The following TNNI3K variants were observed in gnomAD, a reference collection of about 807,000 sequenced individuals.
TNNI3K encodes serine/threonine-protein kinase TNNI3K.
TNNI3K carries 140 observed loss-of-function variants against 114.5 expected under a neutral mutation model. The ratio of observed to expected loss-of-function variants is 1.22; its 90% CI spans 1.07 to 1.41. The LOEUF (loss-of-function observed/expected upper bound fraction) is 1.41. Ranked by LOEUF, TNNI3K falls within the 40% of genes most tolerant of loss-of-function variation. The pLI is 0.00. For missense variants in TNNI3K, 1,125 were observed against 1,007.6 expected (o/e 1.12, Z -1.58); for synonymous variants, 347 against 347.5 (o/e 1.00, Z 0.02).
rs989093095 is a variant in TNNI3K at position 74,536,508 on chromosome 1, C to T, written c.2352-3726C>T. On this transcript the variant is annotated intron_variant, in intron 23 of 24. Coordinates refer to ENST00000326637, the MANE Select transcript of TNNI3K (RefSeq NM_015978.3). ...ATATCCTAATGCACCTTTATAAAAA[C>T]GGTGACTGATGATCATTTTTATATT... is the stretch of plus-strand genomic sequence containing the variant. 8.5e-5 allele frequency among the ~76,000 whole-genome samples: 13 copies of T among 152,174 alleles called. No homozygotes were observed. The East Asian group carries it at 1.2e-3, about 14-fold the overall frequency.
intron 17 of TNNI3K, among the ~76,000 whole-genome samples, chr1:74,384,855 G>A (rs1663392161): frequency 1.3e-5 from 2 of 152,072 alleles, no homozygotes; most frequent in Non-Finnish European, 1.5e-5. Flanking sequence ...ATTATTGGTT[G>A]CCTTAATGGA....
intron 5 of TNNI3K, among the ~76,000 whole-genome samples, chr1:74,277,707 CTGTT>C (rs548952654): frequency 1.3e-5 from 2 of 152,308 alleles, no homozygotes; most frequent in Non-Finnish European, 2.9e-5. Flanking sequence ...CCGTTGACAA[CTGTT>C]TGAGCAGTGA....
chr1:74,470,976 A>G (rs1447798748), intron 21 of TNNI3K: 1 of 400,610 alleles, frequency 2.5e-6, no homozygotes, highest in Non-Finnish European at 4.4e-6. Context: ...CACTTCCTGT[A>G]TTTTCCCAAG....
Position 74,354,200 on chromosome 1 carries a change from A to G in TNNI3K, c.1177+71A>G, listed in dbSNP as rs1348961373. 6.3e-6 allele frequency: 10 copies of G among 1,583,230 alleles called. No homozygotes were observed. In the African/African-American group the frequency reaches 8.1e-5, roughly 13 times the overall value. On this transcript the variant is annotated intron_variant, in intron 11 of 24. Coordinates refer to ENST00000326637, the MANE Select transcript of TNNI3K (RefSeq NM_015978.3). ...GTGCATAGATTATGTCAGTGCATCA[A>G]TAATTACTTTGCTTGCATGACTTGA...
intron 5 of TNNI3K, among the ~76,000 whole-genome samples, chr1:74,327,488 T>A (rs1659971766): frequency 6.8e-6 from 1 of 147,286 alleles, no homozygotes; most frequent in Non-Finnish European, 1.5e-5. Context: ...CTTATATATG[T>A]ATTTCAGTAG....
chr1:74,414,317 A>G (rs2100618878), intron 17 of TNNI3K, among the ~76,000 whole-genome samples: 1 of 152,334 alleles, frequency 6.6e-6, no homozygotes, highest in East Asian at 1.9e-4. Context: ...AGAATAAAAT[A>G]TGCATGGAGT....
chr1:74,503,262 A>T (rs1009885698), intron 23 of TNNI3K, among the ~76,000 whole-genome samples: 1 of 152,222 alleles, frequency 6.6e-6, no homozygotes, highest in African/African-American at 2.4e-5. Context: ...GGGAATCAGC[A>T]TCTTTTAGCT....
At chr1:74,238,829 T>A (rs11210443) in intron 2 of TNNI3K, among the ~76,000 whole-genome samples, 1 of 151,656 alleles carries the variant, frequency 6.6e-6, no homozygotes, top group Non-Finnish European at 1.5e-5. Context: ...TAGAATGATG[T>A]TTCTGCAAGA....
At chr1:74,396,517 G>A (rs1261528025) in intron 17 of TNNI3K, among the ~76,000 whole-genome samples, 1 of 152,206 alleles carries the variant, frequency 6.6e-6, no homozygotes, top group Non-Finnish European at 1.5e-5. Flanking sequence ...CTTGGGCTGA[G>A]ATAATGTCAA....
chr1:74,478,798 C>T lies in TNNI3K; in HGVS notation c.2122-10391C>T, dbSNP rs185234750. ...GATATCTATTAATTATCCACCAGTG[C>T]TAGTATTCTAAGAAGCACATTTAAG... is the stretch of plus-strand genomic sequence containing the variant. On this transcript the variant is annotated intron_variant, in intron 21 of 24. Transcript: ENST00000326637. 2.5e-4 allele frequency among the ~76,000 whole-genome samples: 38 copies of T among 152,320 alleles called. 1 individual carries two copies. Among genetic ancestry groups the T allele is most frequent in the Non-Finnish European group, 4.0e-4 (27 of 68,024 alleles).
Position 74,519,128 on chromosome 1 carries a change from C to T in TNNI3K, c.2352-21106C>T, listed in dbSNP as rs1475053036. Among the ~76,000 whole-genome samples, 41 of 92,342 alleles carry T rather than the reference C, an allele frequency of 4.4e-4. 4 individuals are homozygous for T. The East Asian group carries it at 8.6e-3, about 19-fold the overall frequency. 60.6% of individuals were successfully genotyped at this position (92,342 alleles called of 152,430 possible). On this transcript the variant is annotated intron_variant, in intron 23 of 24. Coordinates refer to ENST00000326637, the MANE Select transcript of TNNI3K (RefSeq NM_015978.3). ...ATTCCCACCTATGAGTGAGAATATG[C>T]GGTGTTTGGTTTTTTGTTCTTGTGA...
rs144507273 is a variant in TNNI3K, at chr1:74,492,173, G to A, written c.2258G>A (p.Gly753Glu). The A allele has an allele frequency of 1.4e-5, 22 of 1,613,218 alleles. No homozygotes were observed. The African/African-American group carries it at 2.8e-4, about 21-fold the overall frequency. ...TCTTCTGATTGCCTGGTGAACCGGG[G>A]AGGACCTGGCCGGAGTCATGTGGCA... The part of the protein sequence containing the change: ...SSSSDCLVNR[G>E]GPGRSHVAAL... The change falls in exon 23 of 25, where the codon GGA becomes GAA. Residue 753 changes from glycine (G) to glutamate (E), a missense_variant. Gly to Glu is a moderately conservative substitution (Grantham distance 98). Transcript: ENST00000326637.
chr1:74,460,145 G>T (rs1375683780), intron 20 of TNNI3K, among the ~76,000 whole-genome samples: 1 of 151,136 alleles, frequency 6.6e-6, no homozygotes, highest in Admixed American at 6.6e-5. Flanking sequence ...GCACGATCTC[G>T]ACTCACTGCA....
At chr1:74,480,585 T>G (rs1346475688) in intron 21 of TNNI3K, 2 of 717,284 alleles carry the variant, frequency 2.8e-6, no homozygotes, top group Non-Finnish European at 5.2e-6. Context: ...TACCTGAGAC[T>G]GTGGAGATTC....
chr1:74,348,243 A>C (rs1252115677), intron 9 of TNNI3K, among the ~76,000 whole-genome samples: 2 of 152,196 alleles, frequency 1.3e-5, no homozygotes, highest in Non-Finnish European at 2.9e-5. Context: ...AGCACCATTT[A>C]TTAAATAGGG....
intron 23 of TNNI3K, among the ~76,000 whole-genome samples, chr1:74,538,050 A>G (rs1570757292): frequency 6.6e-6 from 1 of 152,308 alleles, no homozygotes; most frequent in East Asian, 1.9e-4. Flanking sequence ...GGAGTCTGGC[A>G]CTAAAATGCT....
chr1:74,450,834 T>G (rs1364420735), intron 20 of TNNI3K, among the ~76,000 whole-genome samples: 3 of 152,140 alleles, frequency 2.0e-5, no homozygotes, highest in Non-Finnish European at 2.9e-5. Context: ...TGGAAGACAA[T>G]GTGGTGATTC....
At chr1:74,469,943 G>C (rs1325629647) in intron 21 of TNNI3K, 1 of 400,512 alleles carries the variant, frequency 2.5e-6, no homozygotes, top group Non-Finnish European at 4.4e-6. Flanking sequence ...ACAGGTTTTG[G>C]AGCAGAGTTT....
chr1:74,311,511 T>C (rs976461633), intron 5 of TNNI3K, among the ~76,000 whole-genome samples: 2 of 152,194 alleles, frequency 1.3e-5, no homozygotes, highest in Non-Finnish European at 2.9e-5. Flanking sequence ...GCTTAAAATA[T>C]ATTAACACAG....
Sources: allele counts gnomAD v4.1 joint callset (sites outside exome capture counted in the v4.1 genomes callset), GRCh38; gene constraint gnomAD v4.1.1; transcripts MANE v1.5; gene names NCBI Gene and HGNC (gene_info 2026-07-23, HGNC 2026-07-21).